CCDC146: variants seen among roughly 807,000 people sequenced by gnomAD.
CCDC146 encodes coiled-coil domain containing 146.
A neutral mutation model predicts 119.3 loss-of-function variants in CCDC146; 92 were observed. The observed-to-expected ratio is 0.77, with a 90% CI of 0.65 to 0.92. CCDC146 has a LOEUF of 0.92. Among genes scored for constraint, CCDC146 ranks in the 40% least tolerant of loss-of-function variants. The probability of loss-of-function intolerance (pLI) is 0.00; values close to 1 mark genes in which losing one functional copy is unlikely to be tolerated. For missense variants in CCDC146, 1,000 were observed against 1,103.0 expected (o/e 0.91, Z 1.32); for synonymous variants, 372 against 371.8 (o/e 1.00, Z -0.01).
At position 77,196,128 on chromosome 7, in the gene CCDC146, G is replaced by A; in HGVS notation, c.156+28304G>A. The A allele has an allele frequency of 1.6e-6, 1 of 610,532 alleles. No individual in the cohort carries two copies. Among genetic ancestry groups the A allele is most frequent in the Admixed American group, 3.1e-5 (1 of 32,268 alleles). 37.8% of individuals were successfully genotyped at this position (610,532 alleles called of 1,614,324 possible). The stretch of plus-strand genomic sequence containing the variant: ...CTCCTTTAAAATGCATTGTTTTTCA[G>A]CTTTATTTCAAATGCTGTGTAGCAT... On this transcript the variant is annotated intron_variant, in intron 2 of 18. Coordinates refer to ENST00000285871, the MANE Select transcript of CCDC146 (RefSeq NM_020879.3). The surrounding 1 kb of genome is among the most constrained non-coding windows in gnomAD (Gnocchi z 4.2).
At chr7:77,157,403 C>T (rs1584030873) in intron 1 of CCDC146, among the ~76,000 whole-genome samples, 1 of 148,076 alleles carries the variant, frequency 6.8e-6, no homozygotes, top group Admixed American at 6.8e-5. Context: ...CTGCCCCATT[C>T]TCTGGAGCAT....
chr7:77,198,168 G>C (rs1484926895), intron 2 of CCDC146: 2 of 985,334 alleles, frequency 2.0e-6, no homozygotes, highest in Admixed American at 6.1e-5. Flanking sequence ...ACATTCAGAT[G>C]CAGGCTGCCA....
At chr7:77,276,888 T>G (rs1269544687) in intron 11 of CCDC146, among the ~76,000 whole-genome samples, 1 of 152,092 alleles carries the variant, frequency 6.6e-6, no homozygotes, top group Non-Finnish European at 1.5e-5. Flanking sequence ...CTGCCCAACA[T>G]GGTGAAAGCC....
Position 77,274,508 on chromosome 7 carries a change from G to T in CCDC146, c.1296G>T (p.Lys432Asn). 1 of 1,594,912 alleles carries T rather than the reference G, an allele frequency of 6.3e-7. No individual in the cohort carries two copies. Residue 432 changes from lysine to asparagine, a missense_variant, in exon 11 of 19, where the codon AAG becomes AAT. Lys to Asn is a moderately conservative substitution (Grantham distance 94). Around this residue, in one of 2 missense-constraint regions of CCDC146, gnomAD observed 985 missense variants for 1,045.3 expected, o/e 0.94. Transcript: ENST00000285871. ...QQKIISEMES[K>N]LVEQQLAEEN... Reference sequence around the variant, plus strand: ...AAATTATATCAGAAATGGAGTCTAAGTTAGTAGAACAACAACTTGCAGAAG... The same window carrying T: ...AAATTATATCAGAAATGGAGTCTAATTTAGTAGAACAACAACTTGCAGAAG...
chr7:77,291,181 CAA>C (rs1295391513), intron 17 of CCDC146, among the ~76,000 whole-genome samples: 4 of 151,842 alleles, frequency 2.6e-5, no homozygotes, highest in Non-Finnish European at 4.4e-5. Flanking sequence ...ATGATGTGAA[CAA>C]AAAATAAGGC....
intron 4 of CCDC146, among the ~76,000 whole-genome samples, chr7:77,244,625 C>T (rs1002888621): frequency 2.0e-5 from 3 of 152,236 alleles, no homozygotes; most frequent in Non-Finnish European, 4.4e-5. Flanking sequence ...GGCTTTACCA[C>T]ATAGCCTAGA....
At chr7:77,282,357 G>C (rs1346266863) in intron 14 of CCDC146, 200 bp from the exon 15 acceptor site, 2 of 493,644 alleles carry the variant, frequency 4.1e-6, no homozygotes, top group Non-Finnish European at 3.6e-6. Context: ...AAAGTTGAGA[G>C]GCTCAGTAAC....
chr7:77,242,042 A>G (rs1792859727), intron 4 of CCDC146, 142 bp downstream of exon 4: 1 of 664,004 alleles, frequency 1.5e-6, no homozygotes, highest in African/African-American at 1.8e-5. Flanking sequence ...GATTCCTTAG[A>G]ATGGAATGGG....
At chr7:77,210,494 A>T (rs1792161000) in intron 2 of CCDC146, among the ~76,000 whole-genome samples, 1 of 152,206 alleles carries the variant, frequency 6.6e-6, no homozygotes, top group Non-Finnish European at 1.5e-5. Context: ...CAACAAGTCT[A>T]TAGGAAGTTC....
intron 2 of CCDC146, chr7:77,199,279 T>C (rs1435792914): frequency 1.2e-6 from 2 of 1,614,150 alleles, no homozygotes; most frequent in Admixed American, 3.3e-5. Context: ...GCTGTCAACA[T>C]AATTTTCTAT....
At position 77,278,733 on chromosome 7, in the gene CCDC146, A is replaced by AT. The variant is rs754924746; in HGVS notation, c.1441-12dup. 3.0e-5 allele frequency: 47 copies of AT among 1,551,234 alleles called. No homozygotes were observed. Among genetic ancestry groups the AT allele is most frequent in the Non-Finnish European group, 3.8e-5 (43 of 1,127,424 alleles). On this transcript the variant is annotated intron_variant, in intron 11 of 18. Transcript: ENST00000285871. ...GTTCATATGTTGTTATTTATTTCAC[A>AT]TTTTTTTGTACATTTCAGCAAAAAT...
intron 2 of CCDC146, among the ~76,000 whole-genome samples, chr7:77,210,754 T>C (rs1792165091): frequency 1.3e-5 from 2 of 152,002 alleles, no homozygotes; most frequent in Non-Finnish European, 2.9e-5. Context: ...GAAACATGGG[T>C]AGGGAGGCCT....
rs1562832972 is a variant in CCDC146 at position 77,206,655 on chromosome 7, ATATATAT to A, written c.157-30291_157-30285del. Among the ~76,000 whole-genome samples the A allele has an allele frequency of 4.6e-3, 401 of 86,904 alleles. 2 individuals carry two copies. Among genetic ancestry groups the A allele is most frequent in the African/African-American group, 0.014 (366 of 25,712 alleles). The allele number at this position is 86,904 out of a possible 152,430, so 57.0% of individuals were successfully genotyped here. A position where few individuals can be genotyped will look rare whatever the true frequency, so the allele number is the denominator to read the frequency against. Reference sequence around the variant, plus strand: ...CTCCAAAAAAGAAACATACATATATATATATATATATATATATACACACACACACACA... The same window carrying A: ...CTCCAAAAAAGAAACATACATATATAATATATATATACACACACACACACA... On this transcript the variant is annotated intron_variant, in intron 2 of 18. Coordinates refer to ENST00000285871, the MANE Select transcript of CCDC146 (RefSeq NM_020879.3).
Position 77,129,946 on chromosome 7 carries a change from C to T in CCDC146, c.-12+7214C>T, listed in dbSNP as rs548170004. Among the ~76,000 whole-genome samples, 219 of 152,138 alleles carry T rather than the reference C, an allele frequency of 1.4e-3. 4 individuals are homozygous for T. Among genetic ancestry groups the T allele is most frequent in the African/African-American group, 5.1e-3 (212 of 41,424 alleles). On this transcript the variant is annotated intron_variant, in intron 1 of 18. Transcript: ENST00000285871. ...GTTATCAGATCAACTGTTGATGTAT[C>T]TCAGTGCTTGCATTCAACTAACCCT...
intron 2 of CCDC146, among the ~76,000 whole-genome samples, chr7:77,210,488 A>C (rs191089547): frequency 5.8e-4 from 89 of 152,274 alleles, no homozygotes; most frequent in Non-Finnish European, 1.1e-3. Flanking sequence ...ACCATTCAAC[A>C]AGTCTATAGG....
At chr7:77,128,072 C>T (rs1324232288) in intron 1 of CCDC146, among the ~76,000 whole-genome samples, 2 of 151,960 alleles carry the variant, frequency 1.3e-5, no homozygotes, top group Admixed American at 6.6e-5. Context: ...CCTTCTCTTG[C>T]CTTTTTAATT....
chr7:77,286,911 C>A lies in CCDC146; in HGVS notation c.2262C>A (p.Ile754=), dbSNP rs377139488. Residue 754 remains isoleucine (I), a synonymous_variant, in exon 16 of 19, where the codon ATC becomes ATA. Transcript: ENST00000285871. The part of the protein sequence containing the change: ...PGKDLTEKEM[I]QKLDKLELQL... Reference sequence around the variant, plus strand: ...AAGATCTGACCGAAAAAGAAATGATCCAAAAATTAGACAAGGTAAACATTA... The same window carrying A: ...AAGATCTGACCGAAAAAGAAATGATACAAAAATTAGACAAGGTAAACATTA... The A allele has an allele frequency of 1.9e-6, 3 of 1,613,828 alleles. No individual in the cohort carries two copies. Among genetic ancestry groups the A allele is most frequent in the African/African-American group, 1.3e-5 (1 of 74,908 alleles).
At chr7:77,176,967 C>G (rs1279382691) in intron 2 of CCDC146, among the ~76,000 whole-genome samples, 1 of 152,052 alleles carries the variant, frequency 6.6e-6, no homozygotes, top group Non-Finnish European at 1.5e-5. Context: ...CCTGGAGTAG[C>G]TGGGACCACC....
intron 2 of CCDC146, among the ~76,000 whole-genome samples, chr7:77,188,516 A>G (rs1332813907): frequency 1.3e-5 from 2 of 152,180 alleles, no homozygotes; most frequent in Non-Finnish European, 2.9e-5. Flanking sequence ...GCCCTAGTTC[A>G]TTTTATTTTG....
Sources: gnomAD v4.1 joint callset for allele counts (sites outside exome capture counted in the v4.1 genomes callset) on GRCh38, gnomAD v4.1.1 for gene constraint, gnomAD v4.1.1 regional missense constraint, Gnocchi (gnomAD v3.1) non-coding constraint, MANE v1.5 for transcripts, NCBI Gene and HGNC (gene_info 2026-07-23, HGNC 2026-07-21) for gene names.